SYPL1: variants seen among roughly 807,000 people sequenced by gnomAD.
SYPL1 encodes synaptophysin like 1, also known as synaptophysin-like protein 1.
In SYPL1, 6 loss-of-function variants were observed where a neutral mutation model predicts 23.7. The ratio of observed to expected loss-of-function variants is 0.25; its 90% CI spans 0.14 to 0.50. SYPL1 has a LOEUF of 0.50. SYPL1 is among the 20% of genes least tolerant of loss of function. The probability of loss-of-function intolerance (pLI) is 0.98; values close to 1 mark genes in which losing one functional copy is unlikely to be tolerated. For missense variants in SYPL1, 253 were observed against 288.9 expected (o/e 0.88, Z 0.90); for synonymous variants, 102 against 104.5 (o/e 0.98, Z 0.15).
chr7:106,110,918 G>C (rs535535744), intron 1 of SYPL1, among the ~76,000 whole-genome samples: 8 of 152,266 alleles, frequency 5.3e-5, no homozygotes, highest in African/African-American at 1.7e-4. Context: ...TCGTTAATGA[G>C]ATTTTCCTCT....
In SYPL1 at chr7:106,104,442, T is replaced by A. The variant is rs1481677128; in HGVS notation, c.70-5160A>T. ...ATTTCCTAATATAACAAGTAGCAAATAAATGGCATACTGCACTACAGCTTG... is the reference window on the plus strand; with the variant it reads ...ATTTCCTAATATAACAAGTAGCAAAAAAATGGCATACTGCACTACAGCTTG... On this transcript the variant is annotated intron_variant, in intron 1 of 4. Coordinates refer to ENST00000455385, the MANE Select transcript of SYPL1 (RefSeq NM_182715.4). The surrounding 1 kb of genome is among the most constrained non-coding windows in gnomAD (Gnocchi z 4.1). Among the ~76,000 whole-genome samples, 2 of 152,072 alleles carry A rather than the reference T, an allele frequency of 1.3e-5. No individual in the cohort carries two copies. Among genetic ancestry groups the A allele is most frequent in the African/African-American group, 4.8e-5 (2 of 41,408 alleles).
At chr7:106,106,442 C>G (rs1186436542) in intron 1 of SYPL1, among the ~76,000 whole-genome samples, 1 of 151,854 alleles carries the variant, frequency 6.6e-6, no homozygotes, top group Non-Finnish European at 1.5e-5. Flanking sequence ...ATCCCAGCTA[C>G]TTGGGAGGCT....
chr7:106,112,028 G>A (rs902307914), intron 1 of SYPL1, 112 bp downstream of exon 1: 1 of 1,155,164 alleles, frequency 8.7e-7, no homozygotes, highest in Non-Finnish European at 1.1e-6. Context: ...CCGGGGCGGC[G>A]GCCTCAAAGC....
intron 1 of SYPL1, among the ~76,000 whole-genome samples, chr7:106,101,162 T>C (rs1840289126): frequency 6.7e-6 from 1 of 149,332 alleles, no homozygotes; most frequent in Non-Finnish European, 1.5e-5. Context: ...CCCTCTACTC[T>C]ATTTCTGCTC....
At position 106,097,698 on chromosome 7, in the gene SYPL1, G is replaced by A. The variant is rs773229281; in HGVS notation, c.394C>T (p.Pro132Ser). 10 of 1,608,680 alleles carry A rather than the reference G, an allele frequency of 6.2e-6. No individual in the cohort carries two copies. In the South Asian group the frequency reaches 1.1e-4, roughly 18 times the overall value. ...TSLYLDSRKL[P>S]MIDFVVTLVA... is the part of the protein sequence containing the mutation. ...ATAAAGTGATTACTTACTATCATAG[G>A]AAGTTTACGACTATCCAGATACAGA... The change falls in exon 3 of 5, where the codon CCT (proline) becomes TCT (serine). Residue 132 changes from proline to serine, a missense_variant. Pro to Ser is a moderately conservative substitution (Grantham distance 74, BLOSUM62 -1). Coordinates refer to ENST00000455385, the MANE Select transcript of SYPL1 (RefSeq NM_182715.4). This position sits in a 1 kb window ranked among gnomAD's most constrained non-coding sequence, Gnocchi z 4.6.
rs1840052720 is a variant in SYPL1 at position 106,097,105 on chromosome 7, A to C, written c.402+585T>G. Among the ~76,000 whole-genome samples the C allele has an allele frequency of 6.6e-6, 1 of 152,192 alleles. No individual in the cohort carries two copies. The highest frequency in any genetic ancestry group is 2.1e-4 in the South Asian group (1 of 4,824). On this transcript the variant is annotated intron_variant, in intron 3 of 4. Transcript: ENST00000455385. The surrounding 1 kb of genome is among the most constrained non-coding windows in gnomAD (Gnocchi z 4.6). ...GTGGCTTGTGACTGTAGTCCCAGCTACTCAGGAGGATCATTTGAGCCCAGG... is the reference window on the plus strand; with the variant it reads ...GTGGCTTGTGACTGTAGTCCCAGCTCCTCAGGAGGATCATTTGAGCCCAGG...
chr7:106,108,019 A>G (rs1224475566), intron 1 of SYPL1, among the ~76,000 whole-genome samples: 3 of 151,838 alleles, frequency 2.0e-5, no homozygotes, highest in Non-Finnish European at 2.9e-5. Flanking sequence ...GCATGGTGAA[A>G]CCCCGTCTCT....
upstream of SYPL1, chr7:106,112,455 G>C (rs774757124): frequency 7.5e-6 from 11 of 1,473,012 alleles, no homozygotes; most frequent in Non-Finnish European, 9.0e-6. Flanking sequence ...GGCGGAGACC[G>C]GGAGGCTTCT....
At chr7:106,105,778 G>GA (rs1172578672) in intron 1 of SYPL1, among the ~76,000 whole-genome samples, 1 of 152,140 alleles carries the variant, frequency 6.6e-6, no homozygotes, top group Non-Finnish European at 1.5e-5. Context: ...AAGGTAAGGG[G>GA]AATCTCATAC....
At position 106,091,766 on chromosome 7, in the gene SYPL1, T is replaced by A; in HGVS notation, c.*39A>T. 6.4e-7 allele frequency: 1 copy of A among 1,574,038 alleles called. No homozygotes were observed. Among genetic ancestry groups the A allele is most frequent in the Non-Finnish European group, 8.6e-7 (1 of 1,164,142 alleles). On this transcript the variant is annotated 3_prime_UTR_variant, in exon 5 of 5. Transcript: ENST00000455385. The surrounding 1 kb of genome is among the most constrained non-coding windows in gnomAD (Gnocchi z 5.0). ...TCAAGGTGTTGGCAACATGTCATAGTATCAACATATACTTCATACAGTGTA... is the reference window on the plus strand; with the variant it reads ...TCAAGGTGTTGGCAACATGTCATAGAATCAACATATACTTCATACAGTGTA...
intron 4 of SYPL1, chr7:106,092,605 G>A (rs1354837805): frequency 8.6e-6 from 3 of 347,110 alleles, no homozygotes; most frequent in Non-Finnish European, 1.7e-5. Flanking sequence ...CCCAGGAGGC[G>A]GAGGTTGCAG....
At chr7:106,112,566 C>T, upstream of SYPL1, 1 of 1,489,638 alleles carries the variant, frequency 6.7e-7, no homozygotes, top group Non-Finnish European at 8.9e-7. Flanking sequence ...GCGGTTCAGC[C>T]CCTGGCACTC....
intron 3 of SYPL1, chr7:106,093,360 C>T (rs1165890434): frequency 4.2e-5 from 18 of 431,630 alleles, no homozygotes; most frequent in Non-Finnish European, 6.9e-5. Flanking sequence ...GTCATCCCCT[C>T]AGAAGTCTAA....
chr7:106,112,453 C>T, upstream of SYPL1: 1 of 1,470,792 alleles, frequency 6.8e-7, no homozygotes, highest in Non-Finnish European at 9.0e-7. Flanking sequence ...GGGGCGGAGA[C>T]CGGGAGGCTT....
intron 1 of SYPL1, among the ~76,000 whole-genome samples, chr7:106,106,156 A>G (rs947616883): frequency 5.3e-5 from 8 of 152,204 alleles, no homozygotes; most frequent in African/African-American, 1.9e-4. Context: ...TATATAATAT[A>G]CCTTAAGATA....
chr7:106,106,656 G>A (rs756046909), intron 1 of SYPL1, among the ~76,000 whole-genome samples: 5 of 152,004 alleles, frequency 3.3e-5, no homozygotes, highest in Non-Finnish European at 7.4e-5. Context: ...ACTGGCCTGG[G>A]TGACATGGTG....
rs983456463 is a variant in SYPL1, at chr7:106,104,048, T to C, written c.70-4766A>G. 1.3e-5 allele frequency among the ~76,000 whole-genome samples: 2 copies of C among 152,242 alleles called. No individual in the cohort carries two copies. The highest frequency in any genetic ancestry group is 4.8e-5 in the African/African-American group (2 of 41,474). On this transcript the variant is annotated intron_variant, in intron 1 of 4. Coordinates refer to ENST00000455385, the MANE Select transcript of SYPL1 (RefSeq NM_182715.4). The surrounding 1 kb of genome is among the most constrained non-coding windows in gnomAD (Gnocchi z 4.1). ...GTCACATTATACTGCTTACTGTTCC[T>C]GAAACATACCATGTATTTATGTCTT... is the stretch of plus-strand genomic sequence containing the variant.
chr7:106,103,250 T>C (rs1052383868), intron 1 of SYPL1, among the ~76,000 whole-genome samples: 7 of 152,212 alleles, frequency 4.6e-5, no homozygotes, highest in African/African-American at 1.7e-4. Context: ...TACATCAACA[T>C]AGATGAATCA....
At chr7:106,111,971 G>C in intron 1 of SYPL1, 169 bp downstream of exon 1, 2 of 862,104 alleles carry the variant, frequency 2.3e-6, no homozygotes, top group Non-Finnish European at 2.9e-6. Flanking sequence ...CGCCCCGCGC[G>C]GCCCAGGCCG....
Sources: gnomAD v4.1 joint callset for allele counts (sites outside exome capture counted in the v4.1 genomes callset) on GRCh38, gnomAD v4.1.1 for gene constraint, Gnocchi (gnomAD v3.1) non-coding constraint, MANE v1.5 for transcripts, NCBI Gene and HGNC (gene_info 2026-07-23, HGNC 2026-07-21) for gene names.